Variants in RBFOX1 observed in about 807,000 individuals in gnomAD.
RBFOX1 encodes RNA binding protein fox-1 homolog 1.
A neutral mutation model predicts 57.7 loss-of-function variants in RBFOX1; 8 were observed. The observed-to-expected ratio is 0.14, with a 90% CI of 0.08 to 0.25. The LOEUF is 0.25. Among genes scored for constraint, RBFOX1 ranks in the 10% least tolerant of loss-of-function variants. RBFOX1 has a pLI of 1.00. For synonymous variants in RBFOX1, 326 were observed against 222.4 expected, an observed-to-expected ratio of 1.47 and a Z score of -4.15; for missense variants, 611 against 548.5, an observed-to-expected ratio of 1.11 and a Z score of -1.14.
At chr16:6,414,166 A>G (rs953276443) in intron 2 of RBFOX1, among the ~76,000 whole-genome samples, 1 of 152,206 alleles carries the variant, frequency 6.6e-6, no homozygotes. Context: ...AGGCTTTTTA[A>G]GCAGGGGAAG....
chr16:6,179,660 CCTT>C (rs912601370), intron 1 of RBFOX1, among the ~76,000 whole-genome samples: 1 of 152,166 alleles, frequency 6.6e-6, no homozygotes, highest in African/African-American at 2.4e-5. Context: ...TGCTGCCTCT[CCTT>C]CTCCTCTTCT....
intron 3 of RBFOX1, among the ~76,000 whole-genome samples, chr16:6,986,697 C>G (rs1021635882): frequency 6.6e-6 from 1 of 152,102 alleles, no homozygotes; most frequent in South Asian, 2.1e-4. Flanking sequence ...CTCTCCTTCT[C>G]TCTGTCTTTT....
rs76547363 is a variant in RBFOX1 at position 7,433,988 on chromosome 16, G to A, written c.28-84159G>A. Among the ~76,000 whole-genome samples, 11 of 152,306 alleles carry A rather than the reference G, an allele frequency of 7.2e-5. No individual in the cohort carries two copies. The East Asian group carries it at 1.9e-3, about 27-fold the overall frequency. ...TGCAATTTTGAGTATTTGTGAGAAC[G>A]ATGAGAGGGAACAGTTAATACTATT... On this transcript the variant is annotated intron_variant, in intron 4 of 15. Transcript: ENST00000550418.
chr16:7,699,993 G>A (rs953211493), intron 14 of RBFOX1, among the ~76,000 whole-genome samples: 1 of 152,134 alleles, frequency 6.6e-6, no homozygotes, highest in African/African-American at 2.4e-5. Context: ...TTGCCTCCTG[G>A]TGCTAGGTGG....
chr16:6,877,654 C>T (rs1241694642), intron 3 of RBFOX1, among the ~76,000 whole-genome samples: 4 of 152,076 alleles, frequency 2.6e-5, no homozygotes, highest in African/African-American at 7.2e-5. Flanking sequence ...ACGGACAAGC[C>T]CATACTGAGA....
intron 2 of RBFOX1, among the ~76,000 whole-genome samples, chr16:6,561,885 A>G (rs571565611): frequency 1.3e-5 from 2 of 152,166 alleles, no homozygotes; most frequent in Non-Finnish European, 2.9e-5. Context: ...TAATGACGGT[A>G]TTGGCAGCAC....
chr16:7,258,343 TG>T (rs1314516639), intron 4 of RBFOX1, among the ~76,000 whole-genome samples: 6 of 152,184 alleles, frequency 3.9e-5, no homozygotes, highest in African/African-American at 1.4e-4. Flanking sequence ...GAAATATTAA[TG>T]GTTGTAATTA....
At chr16:6,173,448 CAT>C (rs747782940) in intron 1 of RBFOX1, among the ~76,000 whole-genome samples, 6 of 152,228 alleles carry the variant, frequency 3.9e-5, no homozygotes, top group Non-Finnish European at 5.9e-5. Flanking sequence ...TACAAACACA[CAT>C]GTGTGCATGT....
At chr16:5,634,448 T>G (rs1252292495) in intron 3 of RBFOX1, among the ~76,000 whole-genome samples, 1 of 152,208 alleles carries the variant, frequency 6.6e-6, no homozygotes, top group Admixed American at 6.5e-5. Flanking sequence ...AATTAATCAT[T>G]TTAAATTGCA....
At chr16:6,953,428 C>A (rs2081163778) in intron 3 of RBFOX1, among the ~76,000 whole-genome samples, 1 of 151,998 alleles carries the variant, frequency 6.6e-6, no homozygotes, top group South Asian at 2.1e-4. Flanking sequence ...GCTTTGTCGC[C>A]AATGCTGGGT....
At chr16:5,677,130 G>A (rs2050192033) in intron 3 of RBFOX1, among the ~76,000 whole-genome samples, 1 of 152,214 alleles carries the variant, frequency 6.6e-6, no homozygotes, top group African/African-American at 2.4e-5. Context: ...GACAGAAGGG[G>A]AAGACCCAGA....
chr16:6,422,446 C>G (rs1046387414), intron 2 of RBFOX1, among the ~76,000 whole-genome samples: 1 of 152,034 alleles, frequency 6.6e-6, no homozygotes, highest in East Asian at 1.9e-4. Flanking sequence ...CCATCTTATG[C>G]CCATGTATTA....
intron 3 of RBFOX1, among the ~76,000 whole-genome samples, chr16:6,957,108 A>ATTTTTTTTT: frequency 7.8e-6 from 1 of 128,200 alleles, no homozygotes; most frequent in South Asian, 2.5e-4. Flanking sequence ...TTATTTTTTT[A>ATTTTTTTTT]TTTTTATTTT....
At chr16:7,114,780 C>G (rs150871743) in intron 4 of RBFOX1, among the ~76,000 whole-genome samples, 4 of 152,292 alleles carry the variant, frequency 2.6e-5, no homozygotes, top group African/African-American at 9.6e-5. Flanking sequence ...GCTTCTCTGT[C>G]TTGCTAACTC....
At chr16:7,017,345 G>C (rs1208835788) in intron 3 of RBFOX1, among the ~76,000 whole-genome samples, 4 of 152,156 alleles carry the variant, frequency 2.6e-5, no homozygotes, top group African/African-American at 9.6e-5. Flanking sequence ...CTTGGCGGGT[G>C]CATATTTAAA....
At chr16:6,062,215 C>T (rs1450776794) in intron 1 of RBFOX1, among the ~76,000 whole-genome samples, 8 of 152,150 alleles carry the variant, frequency 5.3e-5, no homozygotes, top group African/African-American at 1.9e-4. Context: ...ACTGTCCTTT[C>T]AGGTTTTTAT....
chr16:7,166,972 CTTTTTTTTTTTTTTTTTTTTTTTTTTTTT>C (rs537293692), intron 4 of RBFOX1, among the ~76,000 whole-genome samples: 2 of 49,098 alleles, frequency 4.1e-5, no homozygotes, highest in Non-Finnish European at 6.8e-5. Flanking sequence ...CATTGGTGTT[CTTTTTTTTTTTTTTTTTTTTTTTTTTTTT>C]TTTTTTGACA....
intron 1 of RBFOX1, among the ~76,000 whole-genome samples, chr16:5,397,384 C>G (rs1460849765): frequency 6.6e-6 from 1 of 152,190 alleles, no homozygotes; most frequent in African/African-American, 2.4e-5. Context: ...AGAACAGGAT[C>G]AGGCAGCCAC....
At chr16:7,143,532 C>T (rs2074283381) in intron 4 of RBFOX1, among the ~76,000 whole-genome samples, 1 of 152,058 alleles carries the variant, frequency 6.6e-6, no homozygotes, top group Non-Finnish European at 1.5e-5. Flanking sequence ...GCAGAAGCAC[C>T]AATAAAAATA....
Sources: allele counts gnomAD v4.1 joint callset (sites outside exome capture counted in the v4.1 genomes callset), GRCh38; gene constraint gnomAD v4.1.1; transcripts MANE v1.5; gene names NCBI Gene and HGNC (gene_info 2026-07-23, HGNC 2026-07-21).